The following POGZ variants were observed in gnomAD, a reference collection of about 807,000 sequenced individuals.
The protein encoded by POGZ is pogo transposable element derived with ZNF domain.
POGZ carries 17 observed loss-of-function variants against 134.6 expected under a neutral mutation model. The ratio of observed to expected loss-of-function variants is 0.13; its 90% CI spans 0.09 to 0.19. POGZ has a LOEUF of 0.19. Ranked by LOEUF, POGZ falls within the 10% of genes least tolerant of loss-of-function variation. The pLI is 1.00. For synonymous variants in POGZ, 693 were observed against 657.1 expected (o/e 1.05, Z -0.84); for missense variants, 1,306 against 1,769.7 (o/e 0.74, Z 4.70).
rs566532111 is a variant in POGZ at position 151,447,191 on chromosome 1, G to T, written c.-1-4986C>A. 5.4e-4 allele frequency among the ~76,000 whole-genome samples: 82 copies of T among 152,134 alleles called. No homozygotes were observed. The South Asian group carries it at 0.015, about 27-fold the overall frequency. ...ACATGAGGTGAGGAGTTTGAGACCA[G>T]CCTGGCCAACACGGTGAAACCCTGT... On this transcript the variant is annotated intron_variant, in intron 1 of 18. Transcript: ENST00000271715.
At chr1:151,423,642 T>C (rs2102271463) in intron 9 of POGZ, 91 bp from the exon 10 acceptor site, 1 of 993,202 alleles carries the variant, frequency 1.0e-6, no homozygotes, top group Non-Finnish European at 1.5e-6. Flanking sequence ...ACAAACATTA[T>C]CTGCTCCCCT....
chr1:151,445,339 T>C (rs1661112292), intron 1 of POGZ, among the ~76,000 whole-genome samples: 1 of 151,906 alleles, frequency 6.6e-6, no homozygotes, highest in African/African-American at 2.4e-5. Context: ...CTGGCCAACA[T>C]GGTGAAACCC....
rs748097042 is a variant in POGZ, at chr1:151,404,760, A to G, written c.*42T>C. On this transcript the variant is annotated 3_prime_UTR_variant, in exon 19 of 19. Transcript: ENST00000271715. ...CCTAAGCCCCTTTACCCTCCCTCAC[A>G]TGTTCCCACCCTCACTCCACACCCC... 6.3e-5 allele frequency: 97 copies of G among 1,529,428 alleles called. No homozygotes were observed. The highest frequency in any genetic ancestry group is 8.4e-5 in the Non-Finnish European group (96 of 1,139,058). The allele number at this position is 1,529,428 out of a possible 1,614,324, so 94.7% of individuals were successfully genotyped here.
intron 1 of POGZ, among the ~76,000 whole-genome samples, chr1:151,447,464 T>C (rs1245040881): frequency 6.6e-6 from 1 of 152,044 alleles, no homozygotes; most frequent in East Asian, 1.9e-4. Context: ...TTCTTTTTTC[T>C]CTTCTTTTTT....
intron 10 of POGZ, among the ~76,000 whole-genome samples, chr1:151,416,703 T>C (rs1432189231): frequency 3.3e-5 from 5 of 150,286 alleles, no homozygotes; most frequent in African/African-American, 1.2e-4. Flanking sequence ...ATCTCACTGC[T>C]GGCTCGACTT....
intron 1 of POGZ, among the ~76,000 whole-genome samples, chr1:151,445,328 C>T (rs1236627175): frequency 3.9e-5 from 6 of 151,972 alleles, no homozygotes; most frequent in South Asian, 4.2e-4. Context: ...TCCAGACCAG[C>T]CTGGCCAACA....
At position 151,423,562 on chromosome 1, in the gene POGZ, G is replaced by A. The variant is rs772352054; in HGVS notation, c.1524-11C>T. On this transcript the variant is annotated splice_polypyrimidine_tract_variant and intron_variant, in intron 9 of 18. Transcript: ENST00000271715. ...ATATGGTTCATGAATCTGTAATAAA[G>A]CACAAAGAGAAAGTACAGAAAACAT... 5.7e-6 allele frequency: 9 copies of A among 1,587,450 alleles called. No individual in the cohort carries two copies. The highest frequency in any genetic ancestry group is 2.3e-5 in the South Asian group (2 of 88,352).
chr1:151,441,433 A>C (rs1430477232), intron 2 of POGZ, among the ~76,000 whole-genome samples: 1 of 152,168 alleles, frequency 6.6e-6, no homozygotes, highest in East Asian at 1.9e-4. Flanking sequence ...AGCCATCCAA[A>C]AGACCCTGAA....
At chr1:151,408,375 C>T in intron 14 of POGZ, 34 bp downstream of exon 14, 6 of 1,566,232 alleles carry the variant, frequency 3.8e-6, no homozygotes, top group East Asian at 2.2e-5. Flanking sequence ...CCACCCAGTC[C>T]CCACCCGCCC....
At chr1:151,438,065 G>C (rs1659919429) in intron 3 of POGZ, among the ~76,000 whole-genome samples, 1 of 151,942 alleles carries the variant, frequency 6.6e-6, no homozygotes, top group Admixed American at 6.6e-5. Context: ...AAAAAACACA[G>C]CCAGGCATGG....
rs536995232 is a variant in POGZ at position 151,427,619 on chromosome 1, C to T, written c.1078+204G>A. On this transcript the variant is annotated intron_variant, in intron 7 of 18. Transcript: ENST00000271715. ...ATCAATTTCACTAATCTCCAAAGCACAATTACACACATAATTTCTTGGAGC... is the reference window on the plus strand; with the variant it reads ...ATCAATTTCACTAATCTCCAAAGCATAATTACACACATAATTTCTTGGAGC... 4 of 551,504 alleles carry T rather than the reference C, an allele frequency of 7.3e-6. No homozygotes were observed. The East Asian group carries it at 9.1e-5, about 12-fold the overall frequency. 34.2% of individuals were successfully genotyped at this position (551,504 alleles called of 1,614,324 possible). A position where few individuals can be genotyped will look rare whatever the true frequency, so the allele number is the denominator to read the frequency against.
At chr1:151,445,903 C>A (rs1204305652) in intron 1 of POGZ, among the ~76,000 whole-genome samples, 1 of 152,008 alleles carries the variant, frequency 6.6e-6, no homozygotes, top group Non-Finnish European at 1.5e-5. Flanking sequence ...ATATTTAGAT[C>A]CTTCTTGTAG....
At chr1:151,437,719 T>G (rs994474614) in intron 3 of POGZ, among the ~76,000 whole-genome samples, 2 of 152,174 alleles carry the variant, frequency 1.3e-5, no homozygotes, top group Non-Finnish European at 2.9e-5. Context: ...GCCACTGCAC[T>G]CCAGCCTGGG....
intron 10 of POGZ, among the ~76,000 whole-genome samples, chr1:151,413,604 C>T (rs999429826): frequency 1.2e-4 from 19 of 152,012 alleles, no homozygotes; most frequent in Non-Finnish European, 2.4e-4. Context: ...CCCCCCGCCC[C>T]CAGCCCCCTA....
Position 151,404,085 on chromosome 1 carries a change from C to A in POGZ, c.*717G>T. 1 of 985,466 alleles carries A rather than the reference C, an allele frequency of 1.0e-6. No homozygotes were observed. Among genetic ancestry groups the A allele is most frequent in the Non-Finnish European group, 1.2e-6 (1 of 829,908 alleles). 61.0% of individuals were successfully genotyped at this position (985,466 alleles called of 1,614,324 possible). ...GTGGTGAGGAAAAGACAAATCTATT[C>A]ATTCTGGATAATTAAAGGTGGTTTC... is the stretch of plus-strand genomic sequence containing the variant. On this transcript the variant is annotated 3_prime_UTR_variant, in exon 19 of 19. Coordinates refer to ENST00000271715, the MANE Select transcript of POGZ (RefSeq NM_015100.4).
At chr1:151,439,239 C>T (rs1350582694) in intron 3 of POGZ, 1 of 152,212 alleles carries the variant, frequency 6.6e-6, no homozygotes, top group Non-Finnish European at 1.5e-5. Flanking sequence ...CTCTAGGCCT[C>T]AGTTTCCACA....
At chr1:151,431,289 C>T (rs1299015414) in intron 3 of POGZ, among the ~76,000 whole-genome samples, 8 of 152,080 alleles carry the variant, frequency 5.3e-5, no homozygotes, top group Non-Finnish European at 4.4e-5. Context: ...TGGCTAGCAC[C>T]CTGACTCTCA....
chr1:151,408,338 T>C, intron 14 of POGZ, 71 bp downstream of exon 14: 7 of 1,562,706 alleles, frequency 4.5e-6, no homozygotes, highest in Non-Finnish European at 6.1e-6. Context: ...GCTACCAGAT[T>C]GCACTGTGTA....
At position 151,404,655 on chromosome 1, in the gene POGZ, G is replaced by GT; in HGVS notation, c.*146dup. On this transcript the variant is annotated 3_prime_UTR_variant, in exon 19 of 19. Transcript: ENST00000271715. Reference sequence around the variant, plus strand: ...TTAATCCACAAATCCACAGGGAAGTGTAAGTCAACTTCAGGGGGGAGTGGT... The same window carrying GT: ...TTAATCCACAAATCCACAGGGAAGTGTTAAGTCAACTTCAGGGGGGAGTGGT... 3 of 1,400,342 alleles carry GT rather than the reference G, an allele frequency of 2.1e-6. No individual in the cohort carries two copies. Among genetic ancestry groups the GT allele is most frequent in the South Asian group, 1.7e-5 (1 of 57,264 alleles). The allele number at this position is 1,400,342 out of a possible 1,614,324, so 86.7% of individuals were successfully genotyped here.
Sources: allele counts gnomAD v4.1 joint callset (sites outside exome capture counted in the v4.1 genomes callset), GRCh38; gene constraint gnomAD v4.1.1; transcripts MANE v1.5; gene names NCBI Gene and HGNC (gene_info 2026-07-23, HGNC 2026-07-21).